SNTG1: variants seen among roughly 807,000 people sequenced by gnomAD.
SNTG1 encodes gamma-1-syntrophin.
SNTG1 carries 39 observed loss-of-function variants against 74.7 expected under a neutral mutation model. The ratio of observed to expected loss-of-function variants is 0.52; its 90% confidence interval spans 0.40 to 0.68. The LOEUF (loss-of-function observed/expected upper bound fraction) is 0.68. Ranked by LOEUF, SNTG1 falls within the 30% of genes least tolerant of loss-of-function variation. The pLI is 0.00. For synonymous variants in SNTG1, 254 were observed against 217.1 expected, an observed-to-expected ratio of 1.17 and a Z score of -1.49; for missense variants, 685 against 609.5, an observed-to-expected ratio of 1.12 and a Z score of -1.30.
At chr8:50,395,506 G>GGTTTT (rs58030144) in intron 3 of SNTG1, among the ~76,000 whole-genome samples, 6,541 of 135,634 alleles carry the variant, frequency 0.048, 435 homozygotes, top group Non-Finnish European at 0.05. Context: ...TCTAATTTCT[G>GGTTTT]TTTTTTTTTT....
At chr8:50,577,021 G>C (rs1033682683) in intron 12 of SNTG1, among the ~76,000 whole-genome samples, 1 of 152,118 alleles carries the variant, frequency 6.6e-6, no homozygotes, top group Non-Finnish European at 1.5e-5. Context: ...AGGCATCTTT[G>C]TCTTGTTCCT....
intron 1 of SNTG1, among the ~76,000 whole-genome samples, chr8:50,116,025 G>GT (rs1235998589): frequency 6.6e-6 from 1 of 152,068 alleles, no homozygotes; most frequent in African/African-American, 2.4e-5. Flanking sequence ...CACCATGAGC[G>GT]TAACTTGAGT....
At chr8:50,608,208 T>G (rs1054279547) in intron 13 of SNTG1, among the ~76,000 whole-genome samples, 1 of 151,740 alleles carries the variant, frequency 6.6e-6, no homozygotes, top group Non-Finnish European at 1.5e-5. Flanking sequence ...AAATGTCAAG[T>G]ATGTCAAACT....
At chr8:50,297,258 A>G (rs556490519) in intron 2 of SNTG1, among the ~76,000 whole-genome samples, 1 of 152,234 alleles carries the variant, frequency 6.6e-6, no homozygotes, top group Non-Finnish European at 1.5e-5. Flanking sequence ...ATATGTTATG[A>G]TTTTTCTTAT....
At chr8:50,673,564 A>G (rs1223889820) in intron 15 of SNTG1, among the ~76,000 whole-genome samples, 1 of 152,186 alleles carries the variant, frequency 6.6e-6, no homozygotes, top group Non-Finnish European at 1.5e-5. Flanking sequence ...TATGAGTTTA[A>G]GGAATTTTTT....
At chr8:49,937,130 C>G (rs2129366841) in intron 1 of SNTG1, among the ~76,000 whole-genome samples, 1 of 152,238 alleles carries the variant, frequency 6.6e-6, no homozygotes, top group Admixed American at 6.5e-5. Context: ...GCCTGGGGGA[C>G]AGAGCTAGAC....
At chr8:50,322,457 T>A (rs1053366647) in intron 2 of SNTG1, among the ~76,000 whole-genome samples, 1 of 152,194 alleles carries the variant, frequency 6.6e-6, no homozygotes, top group Non-Finnish European at 1.5e-5. Flanking sequence ...GCTTTTAGGA[T>A]CTTCTCTGTG....
In SNTG1 at chr8:50,676,710, A is replaced by G. The variant is rs551697660; in HGVS notation, c.1038+18047A>G. ...TCCATTTTTTTTGACAGGTGTGAGT[A>G]AAGCATAGTTTTCTCAAAATATTTT... On this transcript the variant is annotated intron_variant, in intron 15 of 18. Transcript: ENST00000642720. Among the ~76,000 whole-genome samples, 11 of 152,088 alleles carry G rather than the reference A, an allele frequency of 7.2e-5. No homozygotes were observed. The East Asian group carries it at 1.9e-3, about 27-fold the overall frequency.
In SNTG1 at chr8:49,970,399, G is replaced by A. The variant is rs189537851; in HGVS notation, c.-103+58168G>A. Among the ~76,000 whole-genome samples, 10 of 152,200 alleles carry A rather than the reference G, an allele frequency of 6.6e-5. No individual in the cohort carries two copies. In the East Asian group the frequency reaches 7.7e-4, roughly 12 times the overall value. On this transcript the variant is annotated intron_variant, in intron 1 of 18. Coordinates refer to ENST00000642720, the MANE Select transcript of SNTG1 (RefSeq NM_018967.5). ...TTCAGTAATGCATGTGTGTTTAGCCGCACTCTTTTTAATTCATTCAACATC... is the reference window on the plus strand; with the variant it reads ...TTCAGTAATGCATGTGTGTTTAGCCACACTCTTTTTAATTCATTCAACATC...
At chr8:50,391,074 T>C (rs879194420) in intron 2 of SNTG1, among the ~76,000 whole-genome samples, 2 of 152,084 alleles carry the variant, frequency 1.3e-5, no homozygotes, top group Non-Finnish European at 2.9e-5. Flanking sequence ...CTTTCTTCTG[T>C]CTGATTGCCC....
chr8:50,587,881 G>A (rs946526173), intron 12 of SNTG1, among the ~76,000 whole-genome samples: 2 of 152,068 alleles, frequency 1.3e-5, no homozygotes. Flanking sequence ...GGAGGCCGAG[G>A]CGGGCGGATC....
At chr8:50,310,198 G>C (rs2090053736) in intron 2 of SNTG1, among the ~76,000 whole-genome samples, 1 of 152,058 alleles carries the variant, frequency 6.6e-6, no homozygotes. Flanking sequence ...TATCTGCTTT[G>C]TTTTATCTCA....
intron 18 of SNTG1, among the ~76,000 whole-genome samples, chr8:50,753,818 T>C (rs2095573602): frequency 6.6e-6 from 1 of 151,982 alleles, no homozygotes; most frequent in Non-Finnish European, 1.5e-5. Context: ...TTAAAAATAA[T>C]GAGACTGTGA....
At chr8:50,377,962 C>T (rs1388373422) in intron 2 of SNTG1, among the ~76,000 whole-genome samples, 7 of 152,284 alleles carry the variant, frequency 4.6e-5, no homozygotes, top group Middle Eastern at 6.8e-3. Context: ...GTCGCTTTTC[C>T]GGATGGAAAC....
chr8:50,534,836 T>C lies in SNTG1; in HGVS notation c.550-1842T>C, dbSNP rs200072039. On this transcript the variant is annotated intron_variant, in intron 10 of 18. Transcript: ENST00000642720. ...TCAAATATGAACATAGTAATAGCTT[T>C]GTTTTTCAAAGATGTTGCAAGTGGT... Among the ~76,000 whole-genome samples, 6 of 152,166 alleles carry C rather than the reference T, an allele frequency of 3.9e-5. No individual in the cohort carries two copies. The East Asian group carries it at 7.7e-4, about 20-fold the overall frequency.
intron 1 of SNTG1, among the ~76,000 whole-genome samples, chr8:50,170,927 C>A (rs1489998727): frequency 6.6e-6 from 1 of 152,306 alleles, no homozygotes; most frequent in African/African-American, 2.4e-5. Flanking sequence ...ACAGGAGGAT[C>A]TGTCCCAGCT....
In SNTG1 at chr8:50,100,052, G is replaced by A. The variant is rs537486427; in HGVS notation, c.-102-72509G>A. Among the ~76,000 whole-genome samples the A allele has an allele frequency of 2.0e-5, 3 of 152,014 alleles. No homozygotes were observed. In the Middle Eastern group the frequency reaches 0.01, roughly 517 times the overall value. On this transcript the variant is annotated intron_variant, in intron 1 of 18. Transcript: ENST00000642720. ...AGATGACGGACAATGCAAATGTGGT[G>A]TACATACACATTGGAATACTATTCA...
chr8:50,202,321 T>C (rs1218312501), intron 2 of SNTG1, among the ~76,000 whole-genome samples: 1 of 152,160 alleles, frequency 6.6e-6, no homozygotes, highest in East Asian at 1.9e-4. Context: ...TTCTAAATAA[T>C]CTCCTGTGCT....
chr8:50,181,490 G>T lies in SNTG1; in HGVS notation c.-28+8855G>T, dbSNP rs1045637029. 3.2e-4 allele frequency among the ~76,000 whole-genome samples: 49 copies of T among 152,170 alleles called. 1 individual carries two copies. Among genetic ancestry groups the T allele is most frequent in the African/African-American group, 1.2e-3 (49 of 41,434 alleles). ...AATAGGTGGGGAAGGGCAGTCAGCA[G>T]AGTTTTTCAGGTGCTATTTCTGGGC... is the stretch of plus-strand genomic sequence containing the variant. On this transcript the variant is annotated intron_variant, in intron 2 of 18. Coordinates refer to ENST00000642720, the MANE Select transcript of SNTG1 (RefSeq NM_018967.5).
Sources: allele counts gnomAD v4.1 joint callset (sites outside exome capture counted in the v4.1 genomes callset), GRCh38; gene constraint gnomAD v4.1.1; transcripts MANE v1.5; gene names NCBI Gene and HGNC (gene_info 2026-07-23, HGNC 2026-07-21).